ADAP1: variants seen among roughly 807,000 people sequenced by gnomAD.
ADAP1 encodes the protein ArfGAP with dual PH domains 1.
Under a neutral mutation model 54.9 loss-of-function variants are expected in ADAP1, and 31 were observed. That is an observed-to-expected ratio of 0.56 (90% CI 0.42 to 0.76). The LOEUF is 0.76. ADAP1 is among the 30% of genes least tolerant of loss of function. The pLI, the probability that ADAP1 is intolerant of heterozygous loss-of-function variation, is 0.00. For missense variants in ADAP1, 535 were observed against 512.4 expected (o/e 1.04, Z -0.42); for synonymous variants, 313 against 202.6 (o/e 1.55, Z -4.63).
intron 7 of ADAP1, 147 bp from the exon 8 acceptor site, chr7:900,311 G>A (rs1292711590): frequency 2.3e-5 from 24 of 1,032,746 alleles, no homozygotes; most frequent in Non-Finnish European, 1.1e-5. Flanking sequence ...CCACATTTCT[G>A]CCTCTGCTTG....
chr7:912,807 TCTC>T lies in ADAP1; in HGVS notation c.388+7158_388+7160del, dbSNP rs1488770190. Among the ~76,000 whole-genome samples the T allele has an allele frequency of 9.2e-5, 14 of 151,718 alleles. No homozygotes were observed. The South Asian group carries it at 1.9e-3, about 20-fold the overall frequency. ...CCTCCGCTTCCCAGGTTCAAGCTAT[TCTC>T]CTGTCTCAGCCTCCTGAGTAGCTGG... On this transcript the variant is annotated intron_variant, in intron 4 of 10. Transcript: ENST00000265846.
intron 4 of ADAP1, among the ~76,000 whole-genome samples, chr7:905,833 G>T (rs774250051): frequency 2.1e-5 from 1 of 48,396 alleles, no homozygotes; most frequent in African/African-American, 5.8e-5. Context: ...AGGGAGAAGG[G>T]AGAAGGGAGA....
At chr7:914,810 C>T (rs1209211648) in intron 4 of ADAP1, among the ~76,000 whole-genome samples, 5 of 152,160 alleles carry the variant, frequency 3.3e-5, no homozygotes, top group Admixed American at 2.6e-4. Flanking sequence ...AGACAGTCAC[C>T]GCCTGCTGGT....
chr7:907,069 T>C (rs1045260973), intron 4 of ADAP1, among the ~76,000 whole-genome samples: 14 of 152,124 alleles, frequency 9.2e-5, no homozygotes, highest in African/African-American at 3.1e-4. Flanking sequence ...CCCTCAGCCG[T>C]CCGCAGCTGC....
At chr7:939,290 G>T (rs541691760) in intron 1 of ADAP1, among the ~76,000 whole-genome samples, 3 of 152,234 alleles carry the variant, frequency 2.0e-5, no homozygotes, top group Non-Finnish European at 2.9e-5. Flanking sequence ...TGTGATCTCA[G>T]CTCACTGCAA....
intron 4 of ADAP1, among the ~76,000 whole-genome samples, chr7:906,502 A>AGGGGGC (rs58373074): frequency 1.4e-4 from 1 of 7,086 alleles, no homozygotes; most frequent in African/African-American, 3.7e-4. Flanking sequence ...GAAAGGAGAA[A>AGGGGGC]GGGAGAAAGG....
chr7:954,465 G>C lies in ADAP1; in HGVS notation c.13C>G (p.Arg5Gly). 1 of 1,051,064 alleles carries C rather than the reference G, an allele frequency of 9.5e-7. No homozygotes were observed. The highest frequency in any genetic ancestry group is 3.3e-5 in the South Asian group (1 of 30,078). 65.1% of individuals were successfully genotyped at this position (1,051,064 alleles called of 1,614,324 possible). The change falls in exon 1 of 11, where the codon CGG (arginine) becomes GGG (glycine). Residue 5 changes from arginine to glycine, a missense_variant. Physicochemically the swap from Arg to Gly is moderately radical, Grantham distance 125 (BLOSUM62 -2). Coordinates refer to ENST00000265846, the MANE Select transcript of ADAP1 (RefSeq NM_006869.4). The stretch of plus-strand genomic sequence containing the variant: ...AGCAGCTCCAGGACCGCCCTGCGCC[G>C]CTCCTTGGCCATGGCCGCGATGCGC... Reference protein sequence around the residue: MAKERRRAVLELLQR... With the variant: MAKEGRRAVLELLQR...
chr7:907,280 G>A lies in ADAP1; in HGVS notation c.389-2108C>T, dbSNP rs956706853. Among the ~76,000 whole-genome samples the A allele has an allele frequency of 7.9e-5, 12 of 152,270 alleles. No homozygotes were observed. In the East Asian group the frequency reaches 1.4e-3, roughly 17 times the overall value. On this transcript the variant is annotated intron_variant, in intron 4 of 10. Transcript: ENST00000265846. ...CACACCGTGCACGGGTGGTTAGGAC[G>A]CTGCTGTGGCAGACGATCACAGGGG...
Position 950,856 on chromosome 7 carries a change from C to CAA in ADAP1, c.82+3538_82+3539dup, listed in dbSNP as rs34720533. Among the ~76,000 whole-genome samples, 79 of 84,818 alleles carry CAA rather than the reference C, an allele frequency of 9.3e-4. 1 individual carries two copies. The highest frequency in any genetic ancestry group is 2.8e-3 in the East Asian group (8 of 2,886). The allele number at this position is 84,818 out of a possible 152,430, so 55.6% of individuals were successfully genotyped here. A position where few individuals can be genotyped will look rare whatever the true frequency, so the allele number is the denominator to read the frequency against. On this transcript the variant is annotated intron_variant, in intron 1 of 10. Coordinates refer to ENST00000265846, the MANE Select transcript of ADAP1 (RefSeq NM_006869.4). ...TTGGGAACAGAGCAAGACTCCGTCTCAAAAAAAAAAAAAAAAAAAAAACAA... is the reference window on the plus strand; with the variant it reads ...TTGGGAACAGAGCAAGACTCCGTCTCAAAAAAAAAAAAAAAAAAAAAAAACAA...
At chr7:907,045 G>T (rs1406143002) in intron 4 of ADAP1, among the ~76,000 whole-genome samples, 1 of 152,088 alleles carries the variant, frequency 6.6e-6, no homozygotes, top group Non-Finnish European at 1.5e-5. Flanking sequence ...GACCAGGCTG[G>T]CCTCCTCCCT....
chr7:942,310 AAG>A (rs1171404826), intron 1 of ADAP1, among the ~76,000 whole-genome samples: 1 of 134,900 alleles, frequency 7.4e-6, no homozygotes, highest in African/African-American at 2.8e-5. Context: ...GAGGAGGAGG[AAG>A]AGAGGAGGAG....
At position 917,447 on chromosome 7, in the gene ADAP1, C is replaced by A. The variant is rs913163793; in HGVS notation, c.388+2521G>T. On this transcript the variant is annotated intron_variant, in intron 4 of 10. Coordinates refer to ENST00000265846, the MANE Select transcript of ADAP1 (RefSeq NM_006869.4). ...CCACCTACAACACCAGGACTGTGTT[C>A]AGCCATTTCAGGGCCGCCTCTCTTT... 7.4e-4 allele frequency among the ~76,000 whole-genome samples: 112 copies of A among 152,306 alleles called. 1 individual carries two copies. The highest frequency in any genetic ancestry group is 1.5e-3 in the Non-Finnish European group (99 of 68,020).
At chr7:899,311 G>A (rs758740820) in intron 9 of ADAP1, 50 bp from the exon 10 acceptor site, 82 of 1,607,586 alleles carry the variant, frequency 5.1e-5, no homozygotes, top group East Asian at 2.7e-4. Context: ...TTCCAGCCCC[G>A]CTTCACTCAG....
intron 2 of ADAP1, chr7:927,660 C>T (rs1171496220): frequency 2.8e-6 from 1 of 353,124 alleles, no homozygotes; most frequent in African/African-American, 2.2e-5. Flanking sequence ...ATGGCTTTTC[C>T]ATAGAAAACT....
In ADAP1 at chr7:899,023, C is replaced by T. The variant is rs769347308; in HGVS notation, c.1096+10G>A. 5.0e-6 allele frequency: 8 copies of T among 1,609,494 alleles called. No homozygotes were observed. The highest frequency in any genetic ancestry group is 1.7e-5 in the Admixed American group (1 of 59,940). On this transcript the variant is annotated intron_variant, in intron 10 of 10. Coordinates refer to ENST00000265846, the MANE Select transcript of ADAP1 (RefSeq NM_006869.4). Reference sequence around the variant, plus strand: ...GCCCTTCCAGGCCGCCGGCCGCCCGCCCCCCTCACCTGCGTACTCCTGGGG... The same window carrying T: ...GCCCTTCCAGGCCGCCGGCCGCCCGTCCCCCTCACCTGCGTACTCCTGGGG...
upstream of ADAP1, chr7:954,693 C>A (rs1259774253): frequency 4.1e-6 from 4 of 981,472 alleles, no homozygotes; most frequent in Non-Finnish European, 4.8e-6. Context: ...CGGCGCGGGG[C>A]CCGGGGCGCA....
chr7:922,945 C>T (rs911841363), intron 3 of ADAP1: 3 of 151,612 alleles, frequency 2.0e-5, no homozygotes, highest in African/African-American at 7.3e-5. Context: ...GCCCTGACCC[C>T]CGGGCCTGAG....
intron 6 of ADAP1, 81 bp from the exon 7 acceptor site, chr7:900,697 G>A: frequency 7.9e-7 from 1 of 1,264,068 alleles, no homozygotes; most frequent in South Asian, 1.3e-5. Context: ...GGTCCCCACA[G>A]AGGGGCCGCT....
At chr7:942,410 G>T (rs1346168987) in intron 1 of ADAP1, among the ~76,000 whole-genome samples, 4 of 112,630 alleles carry the variant, frequency 3.6e-5, no homozygotes, top group African/African-American at 3.6e-5. Flanking sequence ...GGAGAGAGGA[G>T]GAGGAAGGGA....
Sources: gnomAD v4.1 joint callset for allele counts (sites outside exome capture counted in the v4.1 genomes callset) on GRCh38, gnomAD v4.1.1 for gene constraint, MANE v1.5 for transcripts, NCBI Gene and HGNC (gene_info 2026-07-23, HGNC 2026-07-21) for gene names.